ASH1L: variants seen among roughly 807,000 people sequenced by gnomAD.
The protein encoded by ASH1L is histone-lysine N-methyltransferase ASH1L.
A neutral mutation model predicts 269.0 loss-of-function variants in ASH1L; 23 were observed. That is an observed-to-expected ratio of 0.09 (90% CI 0.06 to 0.12). The LOEUF is 0.12. Among genes scored for constraint, ASH1L ranks in the 10% least tolerant of loss-of-function variants. The pLI is 1.00. For synonymous variants in ASH1L, 1,187 were observed against 1,253.5 expected (o/e 0.95, Z 1.12); for missense variants, 2,912 against 3,567.8 (o/e 0.82, Z 4.68).
chr1:155,365,622 G>A (rs977752158), intron 12 of ASH1L, among the ~76,000 whole-genome samples: 2 of 152,102 alleles, frequency 1.3e-5, no homozygotes, highest in African/African-American at 4.8e-5. Context: ...GAAACCAGAT[G>A]ATACAATTGG....
At chr1:155,416,003 A>T in intron 5 of ASH1L, 80 bp from the exon 6 acceptor site, 1 of 1,193,428 alleles carries the variant, frequency 8.4e-7, no homozygotes, top group Non-Finnish European at 1.1e-6. Context: ...AAAAAAAAAA[A>T]CCATAGCAAT....
At chr1:155,554,427 C>T (rs1671441495) in intron 1 of ASH1L, among the ~76,000 whole-genome samples, 3 of 152,058 alleles carry the variant, frequency 2.0e-5, no homozygotes, top group Admixed American at 2.0e-4. Flanking sequence ...CGTGTGCCCC[C>T]ACACAGGGCT....
intron 1 of ASH1L, among the ~76,000 whole-genome samples, chr1:155,554,251 AT>A (rs1216366963): frequency 6.2e-4 from 91 of 146,094 alleles, no homozygotes; most frequent in East Asian, 6.0e-4. Context: ...CACTTGGCGA[AT>A]TTTTTTTTTT....
chr1:155,468,486 A>G (rs1664860009), intron 3 of ASH1L, among the ~76,000 whole-genome samples: 1 of 152,168 alleles, frequency 6.6e-6, no homozygotes, highest in Admixed American at 6.5e-5. Context: ...ATTTTTCTGT[A>G]AGGAAGATTT....
At chr1:155,515,480 G>A (rs528384549) in intron 2 of ASH1L, among the ~76,000 whole-genome samples, 3 of 152,150 alleles carry the variant, frequency 2.0e-5, no homozygotes, top group South Asian at 2.1e-4. Context: ...TATTGTAATG[G>A]TTCCTATTTT....
chr1:155,364,064 A>G (rs1655199364), intron 12 of ASH1L, among the ~76,000 whole-genome samples: 1 of 151,820 alleles, frequency 6.6e-6, no homozygotes, highest in Admixed American at 6.6e-5. Context: ...GAGACTGAGC[A>G]ATGAGGATCG....
chr1:155,418,600 A>G (rs954847619), intron 5 of ASH1L, among the ~76,000 whole-genome samples: 1 of 152,226 alleles, frequency 6.6e-6, no homozygotes, highest in African/African-American at 2.4e-5. Context: ...TAACATTCAC[A>G]AAATAAAAAA....
intron 1 of ASH1L, among the ~76,000 whole-genome samples, chr1:155,532,895 ATG>A (rs1162820821): frequency 1.4e-5 from 2 of 142,058 alleles, no homozygotes; most frequent in African/African-American, 5.8e-5. Flanking sequence ...ATATATATGT[ATG>A]TATGTATATG....
At chr1:155,349,519 G>A (rs1653682137) in intron 18 of ASH1L, 23 bp downstream of exon 18, 1 of 1,613,980 alleles carries the variant, frequency 6.2e-7, no homozygotes, top group Non-Finnish European at 8.5e-7. Flanking sequence ...AAACTCAGAT[G>A]ATTCCCACAA....
chr1:155,358,366 T>G (rs28753710), intron 13 of ASH1L, among the ~76,000 whole-genome samples: 1 of 152,012 alleles, frequency 6.6e-6, no homozygotes. Context: ...TAAAAAACTG[T>G]CCTCTCCTAT....
At chr1:155,353,158 A>C (rs113501693) in intron 16 of ASH1L, among the ~76,000 whole-genome samples, 10 of 152,298 alleles carry the variant, frequency 6.6e-5, no homozygotes, top group African/African-American at 2.4e-4. Context: ...ACTGCTTATT[A>C]GTTGTGTGAT....
intron 6 of ASH1L, among the ~76,000 whole-genome samples, chr1:155,405,687 G>A (rs892359172): frequency 6.6e-6 from 1 of 151,568 alleles, no homozygotes; most frequent in Non-Finnish European, 1.5e-5. Flanking sequence ...AAAATTAGCC[G>A]GGCATGGTGG....
At chr1:155,348,279 G>C (rs1039357209) in intron 19 of ASH1L, among the ~76,000 whole-genome samples, 3 of 152,120 alleles carry the variant, frequency 2.0e-5, no homozygotes, top group African/African-American at 7.2e-5. Flanking sequence ...TACAGGTGTT[G>C]AATCTATGTG....
At chr1:155,477,834 G>A in intron 3 of ASH1L, 52 bp downstream of exon 3, 1 of 1,497,810 alleles carries the variant, frequency 6.7e-7, no homozygotes, top group Non-Finnish European at 8.9e-7. Context: ...GGCACCTGTG[G>A]AAAATAACCT....
chr1:155,466,137 G>A (rs1467199701), intron 3 of ASH1L, among the ~76,000 whole-genome samples: 6 of 152,046 alleles, frequency 3.9e-5, no homozygotes, highest in Admixed American at 2.6e-4. Flanking sequence ...GGCAGATCAC[G>A]AGGTCAGGAG....
rs117912339 is a variant in ASH1L, at chr1:155,453,735, G to C, written c.5086+6062C>G. On this transcript the variant is annotated intron_variant, in intron 4 of 27. Coordinates refer to ENST00000392403, the MANE Select transcript of ASH1L (RefSeq NM_018489.3). ...AATCACTTGAACCCGGGAGGCAGAG[G>C]CTTCAGTAAGCCGAGATTGCACCAT... Among the ~76,000 whole-genome samples the C allele has an allele frequency of 1.0e-3, 156 of 152,132 alleles. 3 individuals carry two copies. In the East Asian group the frequency reaches 0.022, roughly 21 times the overall value.
intron 4 of ASH1L, among the ~76,000 whole-genome samples, chr1:155,458,618 G>A (rs139013963): frequency 1.6e-3 from 249 of 152,290 alleles, no homozygotes; most frequent in Admixed American, 4.4e-3. Flanking sequence ...TCAGGAGGCT[G>A]AGGCAAGAGA....
chr1:155,341,511 T>G (rs1652817614), intron 25 of ASH1L, among the ~76,000 whole-genome samples: 1 of 151,762 alleles, frequency 6.6e-6, no homozygotes, highest in Non-Finnish European at 1.5e-5. Context: ...CTTCCATTTT[T>G]AATGCAGGCA....
chr1:155,337,905 C>T (rs1652446538), intron 27 of ASH1L, among the ~76,000 whole-genome samples, 154 bp from the exon 28 acceptor site: 1 of 152,176 alleles, frequency 6.6e-6, no homozygotes, highest in African/African-American at 2.4e-5. Flanking sequence ...AAAGGTGGTT[C>T]TTTAGAGGAG....
Sources: gnomAD v4.1 joint callset for allele counts (sites outside exome capture counted in the v4.1 genomes callset) on GRCh38, gnomAD v4.1.1 for gene constraint, MANE v1.5 for transcripts, NCBI Gene and HGNC (gene_info 2026-07-23, HGNC 2026-07-21) for gene names.